Variants in PCDH7 observed in about 807,000 individuals in gnomAD.
PCDH7 encodes protocadherin 7, also known as protocadherin-7.
Under a neutral mutation model 58.9 loss-of-function variants are expected in PCDH7, and 17 were observed. That is an observed-to-expected ratio of 0.29 (90% CI 0.20 to 0.43). The LOEUF (loss-of-function observed/expected upper bound fraction) is 0.43, where lower values mean the gene tolerates loss of function less well. Ranked by LOEUF, PCDH7 falls within the 20% of genes least tolerant of loss-of-function variation. The probability of loss-of-function intolerance (pLI) is 1.00; values close to 1 mark genes in which losing one functional copy is unlikely to be tolerated. For synonymous variants in PCDH7, 664 were observed against 616.4 expected (o/e 1.08, Z -1.14); for missense variants, 1,274 against 1,441.0 (o/e 0.88, Z 1.88).
chr4:30,743,282 A>G (rs1283962599), intron 1 of PCDH7, among the ~76,000 whole-genome samples: 3 of 152,166 alleles, frequency 2.0e-5, no homozygotes, highest in African/African-American at 7.2e-5. Flanking sequence ...AGGAGAATTG[A>G]AGACATATTA....
At chr4:30,922,718 T>C (rs1219111052) in intron 2 of PCDH7, among the ~76,000 whole-genome samples, 1 of 152,138 alleles carries the variant, frequency 6.6e-6, no homozygotes, top group Non-Finnish European at 1.5e-5. Flanking sequence ...TTTCCTGATT[T>C]TGTATGTGAC....
chr4:31,067,806 TATC>T (rs1488828371), intron 3 of PCDH7, among the ~76,000 whole-genome samples: 1 of 151,976 alleles, frequency 6.6e-6, no homozygotes, highest in East Asian at 1.9e-4. Context: ...CATTCTAAGA[TATC>T]ATAGAAAATT....
intron 1 of PCDH7, among the ~76,000 whole-genome samples, chr4:30,793,240 T>A (rs963805544): frequency 6.6e-6 from 1 of 152,180 alleles, no homozygotes. Context: ...CAGAATCTTT[T>A]TATCTTTCAA....
intron 2 of PCDH7, among the ~76,000 whole-genome samples, chr4:30,945,706 T>C (rs1401235948): frequency 6.6e-6 from 1 of 152,198 alleles, no homozygotes; most frequent in Non-Finnish European, 1.5e-5. Context: ...AAATACTGTT[T>C]GTTCTTCACT....
downstream of PCDH7, among the ~76,000 whole-genome samples, chr4:30,736,535 A>ATTTTTTTTTTT (rs35719962): frequency 7.4e-6 from 1 of 134,574 alleles, no homozygotes. Flanking sequence ...ATTTTCATTT[A>ATTTTTTTTTTT]TTTTTTTTTT....
intron 3 of PCDH7, among the ~76,000 whole-genome samples, chr4:31,135,267 C>A (rs1222618299): frequency 1.3e-5 from 2 of 152,178 alleles, no homozygotes; most frequent in Non-Finnish European, 2.9e-5. Flanking sequence ...AACCTAGTAT[C>A]TTAGGGGCAA....
intron 1 of PCDH7, among the ~76,000 whole-genome samples, chr4:30,729,468 T>C (rs1260404488): frequency 6.6e-6 from 1 of 152,000 alleles, no homozygotes; most frequent in East Asian, 1.9e-4. Context: ...TGTAGGATTG[T>C]AATTGATAAC....
At chr4:30,827,717 AAG>A (rs1560411570) in intron 1 of PCDH7, among the ~76,000 whole-genome samples, 1 of 152,118 alleles carries the variant, frequency 6.6e-6, no homozygotes. Context: ...CAGATCAGTG[AAG>A]AGAGTAGCCT....
chr4:30,958,515 T>G (rs936439927), intron 3 of PCDH7, among the ~76,000 whole-genome samples: 1 of 151,938 alleles, frequency 6.6e-6, no homozygotes, highest in Non-Finnish European at 1.5e-5. Flanking sequence ...ATAAAATATA[T>G]TTCACCTAAT....
chr4:31,037,270 A>T (rs1346447519), intron 3 of PCDH7, among the ~76,000 whole-genome samples: 1 of 152,156 alleles, frequency 6.6e-6, no homozygotes, highest in Middle Eastern at 3.2e-3. Context: ...GTTCATCTGT[A>T]TGTTGGGAAT....
intron 1 of PCDH7, among the ~76,000 whole-genome samples, chr4:30,865,613 G>T (rs1394616996): frequency 1.3e-5 from 2 of 152,020 alleles, no homozygotes; most frequent in Non-Finnish European, 2.9e-5. Flanking sequence ...GTCCATAATA[G>T]TTTGTAAATA....
intron 1 of PCDH7, among the ~76,000 whole-genome samples, chr4:30,876,693 T>C (rs1003703027): frequency 6.6e-6 from 1 of 152,028 alleles, no homozygotes; most frequent in Non-Finnish European, 1.5e-5. Flanking sequence ...AAGGTGGAGA[T>C]GTGAGTCATT....
intron 1 of PCDH7, among the ~76,000 whole-genome samples, chr4:30,919,610 T>C (rs1742928693): frequency 6.6e-6 from 1 of 152,190 alleles, no homozygotes; most frequent in Admixed American, 6.5e-5. Flanking sequence ...ATAGGAATGA[T>C]GTAATAAACA....
intron 1 of PCDH7, among the ~76,000 whole-genome samples, chr4:30,832,426 AT>A (rs1729921363): frequency 6.6e-6 from 1 of 152,158 alleles, no homozygotes; most frequent in South Asian, 2.1e-4. Context: ...TTTTTGAATA[AT>A]GTGATATTAT....
chr4:31,127,766 G>A (rs989616160), intron 3 of PCDH7, among the ~76,000 whole-genome samples: 2 of 151,978 alleles, frequency 1.3e-5, no homozygotes, highest in Admixed American at 6.6e-5. Context: ...GAAGTAATTT[G>A]AAATGACAGC....
chr4:30,852,664 G>A (rs907239839), intron 1 of PCDH7, among the ~76,000 whole-genome samples: 5 of 151,732 alleles, frequency 3.3e-5, no homozygotes, highest in Admixed American at 3.3e-4. Context: ...CTTTGCACAT[G>A]AGCCTCTTAT....
At chr4:30,772,230 A>G (rs560076269) in intron 1 of PCDH7, among the ~76,000 whole-genome samples, 10 of 152,344 alleles carry the variant, frequency 6.6e-5, no homozygotes, top group East Asian at 1.9e-4. Flanking sequence ...AACCTGAAAC[A>G]TGTTTCAATG....
intron 3 of PCDH7, among the ~76,000 whole-genome samples, chr4:30,953,410 G>T (rs1445208602): frequency 6.6e-6 from 1 of 151,422 alleles, no homozygotes; most frequent in Non-Finnish European, 1.5e-5. Context: ...TATATTACTT[G>T]ATTGCAAATC....
intron 3 of PCDH7, among the ~76,000 whole-genome samples, chr4:31,055,264 A>G (rs1260127974): frequency 1.3e-5 from 2 of 152,184 alleles, no homozygotes; most frequent in Non-Finnish European, 2.9e-5. Flanking sequence ...CTATATTTTC[A>G]GTTTTTTAGA....
Sources: gnomAD v4.1 joint callset for allele counts (sites outside exome capture counted in the v4.1 genomes callset) on GRCh38, gnomAD v4.1.1 for gene constraint, MANE v1.5 for transcripts, NCBI Gene and HGNC (gene_info 2026-07-23, HGNC 2026-07-21) for gene names.